TEX14: variants seen among roughly 807,000 people sequenced by gnomAD.
The protein encoded by TEX14 is inactive serine/threonine-protein kinase TEX14.
TEX14 carries 168 observed loss-of-function variants against 178.6 expected under a neutral mutation model. That is an observed-to-expected ratio of 0.94 (90% confidence interval 0.83 to 1.07). TEX14 has a LOEUF of 1.07. Among genes scored for constraint, TEX14 ranks in the 50% least tolerant of loss-of-function variants. The pLI, the probability that TEX14 is intolerant of heterozygous loss-of-function variation, is 0.00. For synonymous variants in TEX14, 626 were observed against 634.1 expected (o/e 0.99, Z 0.19); for missense variants, 1,730 against 1,753.6 (o/e 0.99, Z 0.24).
intron 1 of TEX14, among the ~76,000 whole-genome samples, chr17:58,664,037 C>T (rs554691958): frequency 2.2e-4 from 33 of 152,238 alleles, no homozygotes; most frequent in Admixed American, 9.2e-4. Context: ...CTTAACCGCT[C>T]CCCCAGCAAC....
rs558234994 is a variant in TEX14, at chr17:58,684,553, T to G, written c.-2+7386A>C. ...TGGAGGCTGAGGCAGGAGAATCACT[T>G]GAACCAGGGAGGCAGTGGTGGCAGT... On this transcript the variant is annotated intron_variant, in intron 1 of 31. Coordinates refer to ENST00000349033, the MANE Select transcript of TEX14 (RefSeq NM_031272.5). Among the ~76,000 whole-genome samples, 7 of 151,458 alleles carry G rather than the reference T, an allele frequency of 4.6e-5. No individual in the cohort carries two copies. In the South Asian group the frequency reaches 1.3e-3, roughly 27 times the overall value.
chr17:58,634,717 G>A (rs1278159257), intron 2 of TEX14, among the ~76,000 whole-genome samples: 4 of 152,118 alleles, frequency 2.6e-5, no homozygotes, highest in Non-Finnish European at 4.4e-5. Context: ...ATGTCATGGG[G>A]GCAAGGCACT....
intron 21 of TEX14, among the ~76,000 whole-genome samples, chr17:58,575,934 C>T (rs1413960540): frequency 6.6e-6 from 1 of 152,168 alleles, no homozygotes; most frequent in Admixed American, 6.5e-5. Flanking sequence ...CTGAACTTTG[C>T]TTTCTTTACT....
chr17:58,690,503 T>C (rs2047678770), intron 1 of TEX14, among the ~76,000 whole-genome samples: 1 of 152,126 alleles, frequency 6.6e-6, no homozygotes. Flanking sequence ...ACGAAAGAAA[T>C]TCTAAACACG....
chr17:58,673,076 A>G (rs543133573), intron 1 of TEX14, among the ~76,000 whole-genome samples: 30 of 152,066 alleles, frequency 2.0e-4, no homozygotes, highest in Admixed American at 1.8e-3. Flanking sequence ...ATTTCTTACA[A>G]TTGAGTGGTT....
At chr17:58,566,385 A>C (rs1422088913) in intron 26 of TEX14, among the ~76,000 whole-genome samples, 11 of 152,234 alleles carry the variant, frequency 7.2e-5, no homozygotes, top group Admixed American at 7.2e-4. Context: ...TCTAGCTCTA[A>C]GGTTTATGCT....
intron 1 of TEX14, among the ~76,000 whole-genome samples, chr17:58,674,005 G>A (rs2068147616): frequency 6.6e-6 from 1 of 152,196 alleles, no homozygotes; most frequent in South Asian, 2.1e-4. Flanking sequence ...CGGGTGCGGT[G>A]TCTCCCACCT....
intron 1 of TEX14, among the ~76,000 whole-genome samples, chr17:58,683,281 G>A (rs1433193515): frequency 1.3e-5 from 2 of 151,408 alleles, no homozygotes; most frequent in African/African-American, 2.4e-5. Context: ...GCTGAGGCAG[G>A]AGAATTGCTC....
chr17:58,647,448 C>T (rs113927892), intron 2 of TEX14, among the ~76,000 whole-genome samples: 21,858 of 149,682 alleles, frequency 0.15, 2,477 homozygotes, highest in East Asian at 0.31. Context: ...AGGAGAATGG[C>T]GTGAACCCGG....
chr17:58,616,928 C>T (rs2045885860), intron 6 of TEX14, among the ~76,000 whole-genome samples: 1 of 152,190 alleles, frequency 6.6e-6, no homozygotes, highest in Non-Finnish European at 1.5e-5. Flanking sequence ...CTCTCCCTCC[C>T]CACCAGGCTG....
chr17:58,611,633 GA>G (rs1458611982), intron 9 of TEX14, among the ~76,000 whole-genome samples: 1 of 152,212 alleles, frequency 6.6e-6, no homozygotes, highest in Non-Finnish European at 1.5e-5. Flanking sequence ...TTGGCTTGGG[GA>G]AAACTGACAG....
At chr17:58,667,279 T>G (rs1468367200) in intron 1 of TEX14, among the ~76,000 whole-genome samples, 1 of 152,194 alleles carries the variant, frequency 6.6e-6, no homozygotes, top group Admixed American at 6.6e-5. Context: ...CAATATAGCG[T>G]TCACAATGCA....
chr17:58,658,031 A>G (rs1382474238), intron 1 of TEX14, among the ~76,000 whole-genome samples: 4 of 152,128 alleles, frequency 2.6e-5, no homozygotes, highest in Non-Finnish European at 5.9e-5. Context: ...CCACCCAGGA[A>G]CTGACTCAGC....
intron 4 of TEX14, among the ~76,000 whole-genome samples, chr17:58,622,261 C>A (rs2046015656): frequency 6.6e-6 from 1 of 152,156 alleles, no homozygotes; most frequent in Admixed American, 6.5e-5. Flanking sequence ...GCCTGGCCAA[C>A]ATGGAGAAAC....
At chr17:58,578,748 TTTAATACATA>T (rs536053002) in intron 20 of TEX14, among the ~76,000 whole-genome samples, 1 of 152,214 alleles carries the variant, frequency 6.6e-6, no homozygotes, top group Non-Finnish European at 1.5e-5. Flanking sequence ...TCTGGAGACT[TTTAATACATA>T]TTATGCTGAG....
Position 58,611,116 on chromosome 17 carries a change from G to A in TEX14, c.1184+45C>T, listed in dbSNP as rs757198836. 7.5e-6 allele frequency: 11 copies of A among 1,460,422 alleles called. No individual in the cohort carries two copies. The African/African-American group carries it at 1.5e-4, about 20-fold the overall frequency. The allele number at this position is 1,460,422 out of a possible 1,614,324, so 90.5% of individuals were successfully genotyped here. A position where few individuals can be genotyped will look rare whatever the true frequency, so the allele number is the denominator to read the frequency against. ...CTGTCTCTATAGGAAGGGTCCCCAA[G>A]GGAGATCAACTTCAGGAGAAAGTCC... On this transcript the variant is annotated intron_variant, in intron 10 of 31. Transcript: ENST00000349033.
Position 58,665,114 on chromosome 17 carries a change from C to T in TEX14, c.-1-13112G>A, listed in dbSNP as rs554365947. ...AGTGGAATATGATGTGGGCAACATT[C>T]GACATATTCAGTTGAACATTTTTAG... On this transcript the variant is annotated intron_variant, in intron 1 of 31. Coordinates refer to ENST00000349033, the MANE Select transcript of TEX14 (RefSeq NM_031272.5). 5.3e-5 allele frequency among the ~76,000 whole-genome samples: 8 copies of T among 152,098 alleles called. No individual in the cohort carries two copies. In the South Asian group the frequency reaches 1.0e-3, roughly 20 times the overall value.
intron 25 of TEX14, 44 bp downstream of exon 25, chr17:58,570,341 C>T: frequency 7.7e-7 from 1 of 1,300,562 alleles, no homozygotes; most frequent in Non-Finnish European, 1.0e-6. Flanking sequence ...CAATTTAAGC[C>T]TCCTTGATTA....
chr17:58,670,778 A>G (rs2047292322), intron 1 of TEX14, among the ~76,000 whole-genome samples: 2 of 149,148 alleles, frequency 1.3e-5, no homozygotes, highest in Non-Finnish European at 1.5e-5. Flanking sequence ...CTCTTAAAAA[A>G]AAAAAAAAAA....
Sources: gnomAD v4.1 joint callset for allele counts (sites outside exome capture counted in the v4.1 genomes callset) on GRCh38, gnomAD v4.1.1 for gene constraint, MANE v1.5 for transcripts, NCBI Gene and HGNC (gene_info 2026-07-23, HGNC 2026-07-21) for gene names.